The following NME8 variants were observed in gnomAD, a reference collection of about 807,000 sequenced individuals.
NME8 encodes protein NME8.
Under a neutral mutation model 82.3 loss-of-function variants are expected in NME8, and 72 were observed. That is an observed-to-expected ratio of 0.87 (90% CI 0.72 to 1.06). NME8 has a LOEUF of 1.06. NME8 is among the 50% of genes least tolerant of loss of function. The probability of loss-of-function intolerance (pLI) is 0.00; values close to 1 mark genes in which losing one functional copy is unlikely to be tolerated. For missense variants in NME8, 712 were observed against 685.4 expected (o/e 1.04, Z -0.43); for synonymous variants, 267 against 228.5 (o/e 1.17, Z -1.52).
chr7:37,865,465 T>C, intron 9 of NME8, 60 bp from the exon 10 acceptor site: 1 of 1,216,082 alleles, frequency 8.2e-7, no homozygotes, highest in Non-Finnish European at 1.2e-6. Context: ...AAAAACAAAC[T>C]TAACTTGTTT....
chr7:37,878,016 T>C (rs999602561), intron 12 of NME8, among the ~76,000 whole-genome samples: 16 of 152,324 alleles, frequency 1.1e-4, no homozygotes, highest in African/African-American at 3.8e-4. Context: ...TGTATGACGC[T>C]GAATTGGAGT....
At chr7:37,849,634 G>T (rs1784409105) in intron 2 of NME8, among the ~76,000 whole-genome samples, 1 of 152,144 alleles carries the variant, frequency 6.6e-6, no homozygotes, top group African/African-American at 2.4e-5. Context: ...ACTCTGGGAG[G>T]CTGAGGTGGG....
intron 10 of NME8, among the ~76,000 whole-genome samples, chr7:37,866,751 G>A (rs974062866): frequency 6.6e-6 from 1 of 152,158 alleles, no homozygotes; most frequent in Non-Finnish European, 1.5e-5. Context: ...ATTTTGCCAA[G>A]GTTAAGGACA....
chr7:37,882,597 A>AAGAG (rs772102601), intron 12 of NME8, among the ~76,000 whole-genome samples: 1,598 of 82,822 alleles, frequency 0.019, 22 homozygotes, highest in South Asian at 0.034. Flanking sequence ...GAAAGAAAGA[A>AAGAG]AGAGAGAGAG....
Position 37,863,393 on chromosome 7 carries a change from T to C in NME8, c.388-3T>C, listed in dbSNP as rs141307270. On this transcript the variant is annotated splice_polypyrimidine_tract_variant and splice_region_variant and intron_variant, in intron 7 of 17. Coordinates refer to ENST00000199447, the MANE Select transcript of NME8 (RefSeq NM_016616.5). ...ATCTTTGCATTGCATTTCTTTTTCA[T>C]AGTATCCTGAAATTCCATTAGTAGA... 3.6e-4 allele frequency: 564 copies of C among 1,557,942 alleles called. 3 individuals carry two copies. The African/African-American group carries it at 6.6e-3, about 18-fold the overall frequency.
Position 37,896,982 on chromosome 7 carries a change from C to T in NME8, c.1657C>T (p.Arg553Ter), listed in dbSNP as rs145721687. Residue 553 changes from arginine to a stop codon, truncating the protein, a stop_gained, in exon 17 of 18, where the codon CGA becomes TGA. Transcript: ENST00000199447. LOFTEE classifies it low-confidence loss of function (END_TRUNC). ...AAAATTACTTTCCCCTGACTCCATC[C>T]GAGCCCAGTTTGGAATAAGTAAATT... is the stretch of plus-strand genomic sequence containing the variant. ...EAKLLSPDSIRAQFGISKLKN... is the reference protein window; with the variant it reads ...EAKLLSPDSI 56 of 1,613,746 alleles carry T rather than the reference C, an allele frequency of 3.5e-5. No homozygotes were observed. The highest frequency in any genetic ancestry group is 8.9e-5 in the East Asian group (4 of 44,880).
At position 37,867,696 on chromosome 7, in the gene NME8, T is replaced by C; in HGVS notation, c.622-6T>C. ...GAAGGAAACAGTTTATCATTTTATTTTGTAGTGTGACTTCGAAGAGTTTGT... is the reference window on the plus strand; with the variant it reads ...GAAGGAAACAGTTTATCATTTTATTCTGTAGTGTGACTTCGAAGAGTTTGT... On this transcript the variant is annotated splice_polypyrimidine_tract_variant and splice_region_variant and intron_variant, in intron 10 of 17. Coordinates refer to ENST00000199447, the MANE Select transcript of NME8 (RefSeq NM_016616.5). 3 of 1,608,238 alleles carry C rather than the reference T, an allele frequency of 1.9e-6. No homozygotes were observed. Among genetic ancestry groups the C allele is most frequent in the Non-Finnish European group, 1.7e-6 (2 of 1,174,976 alleles).
chr7:37,874,683 T>C (rs1185379471), intron 11 of NME8, among the ~76,000 whole-genome samples: 1 of 152,128 alleles, frequency 6.6e-6, no homozygotes, highest in Non-Finnish European at 1.5e-5. Flanking sequence ...GTCAAGAATA[T>C]GGCTATTAGG....
At chr7:37,899,453 C>A (rs1785279999) in intron 17 of NME8, among the ~76,000 whole-genome samples, 1 of 151,964 alleles carries the variant, frequency 6.6e-6, no homozygotes, top group Non-Finnish European at 1.5e-5. Flanking sequence ...CGCATGTTCT[C>A]ACTTATAAGT....
At chr7:37,857,388 T>C (rs961190679) in intron 6 of NME8, 43 bp downstream of exon 6, 1 of 1,326,242 alleles carries the variant, frequency 7.5e-7, no homozygotes, top group Non-Finnish European at 1.1e-6. Flanking sequence ...AGATTCCAGT[T>C]TGCAGTTAAG....
chr7:37,893,729 A>T (rs1303071783), intron 15 of NME8, among the ~76,000 whole-genome samples: 1 of 152,120 alleles, frequency 6.6e-6, no homozygotes, highest in Non-Finnish European at 1.5e-5. Context: ...CTTTCTCATG[A>T]TATCTTTATA....
At chr7:37,872,061 G>A (rs373284640) in intron 11 of NME8, among the ~76,000 whole-genome samples, 7 of 152,030 alleles carry the variant, frequency 4.6e-5, no homozygotes, top group South Asian at 2.1e-4. Flanking sequence ...TTTCTCCACC[G>A]AGAGTTTGGG....
chr7:37,851,557 AAG>A (rs1459932067), intron 5 of NME8, among the ~76,000 whole-genome samples: 1 of 152,206 alleles, frequency 6.6e-6, no homozygotes, highest in Non-Finnish European at 1.5e-5. Flanking sequence ...AATATGGAAA[AAG>A]AAAGTGAAAT....
In NME8 at chr7:37,876,837, A is replaced by C. The variant is rs952358772; in HGVS notation, c.824A>C (p.Gln275Pro). The C allele has an allele frequency of 1.2e-6, 2 of 1,610,680 alleles. No individual in the cohort carries two copies. The highest frequency in any genetic ancestry group is 8.5e-7 in the Non-Finnish European group (1 of 1,177,456). ...TATATTTTGGATTTTGACAGTTTAC[A>C]AGAATATCTGGAAAGACAACATTTA... ...GMMKNKQDSLQEYLERQHLAQ... is the reference protein window; with the variant it reads ...GMMKNKQDSLPEYLERQHLAQ... The change falls in exon 12 of 18, where the codon CAA (glutamine) becomes CCA (proline). Residue 275 changes from glutamine (Q) to proline (P), a missense_variant. Gln to Pro is a moderately conservative substitution (Grantham distance 76). Coordinates refer to ENST00000199447, the MANE Select transcript of NME8 (RefSeq NM_016616.5).
Position 37,876,949 on chromosome 7 carries a change from C to G in NME8, c.936C>G (p.Ser312Arg). 1 of 1,613,016 alleles carries G rather than the reference C, an allele frequency of 6.2e-7. No homozygotes were observed. The highest frequency in any genetic ancestry group is 8.5e-7 in the Non-Finnish European group (1 of 1,179,330). The change falls in exon 12 of 18, where the codon AGC becomes AGG. Residue 312 changes from serine to arginine, a missense_variant. Physicochemically the swap from Ser to Arg is moderately radical, Grantham distance 110. Transcript: ENST00000199447. ...AFFPDFKKMK[S>R]MKLEKTLALL... ...TCCCCGATTTTAAAAAAATGAAAAG[C>G]ATGAAATTAGAAAAGACATTGGCAT...
In NME8 at chr7:37,850,393, C is replaced by A; in HGVS notation, c.49C>A (p.Gln17Lys). 6.2e-7 allele frequency: 1 copy of A among 1,614,124 alleles called. No homozygotes were observed. Among genetic ancestry groups the A allele is most frequent in the Non-Finnish European group, 8.5e-7 (1 of 1,180,002 alleles). ...EVQLQTVINN[Q>K]SLWDEMLQNK... Reference sequence around the variant, plus strand: ...CACTTTGCAGACAGTCATCAATAATCAAAGCCTGTGGGATGAGATGTTGCA... The same window carrying A: ...CACTTTGCAGACAGTCATCAATAATAAAAGCCTGTGGGATGAGATGTTGCA... The change falls in exon 4 of 18, where the codon CAA (glutamine) becomes AAA (lysine). Residue 17 changes from glutamine to lysine, a missense_variant. By Grantham distance (53) the Gln-to-Lys change is moderately conservative (BLOSUM62 1). Transcript: ENST00000199447.
intron 15 of NME8, among the ~76,000 whole-genome samples, chr7:37,891,836 CTG>C (rs1232026999): frequency 1.3e-5 from 2 of 152,028 alleles, no homozygotes; most frequent in African/African-American, 4.8e-5. Context: ...CTCTTCTTGA[CTG>C]AGTGCCTATT....
chr7:37,874,960 A>G (rs1195708499), intron 11 of NME8, among the ~76,000 whole-genome samples: 4 of 152,198 alleles, frequency 2.6e-5, no homozygotes, highest in Non-Finnish European at 4.4e-5. Context: ...AAAAACTGAC[A>G]TCATACACCT....
chr7:37,898,293 C>T (rs1785260659), intron 17 of NME8, among the ~76,000 whole-genome samples: 1 of 152,176 alleles, frequency 6.6e-6, no homozygotes, highest in Non-Finnish European at 1.5e-5. Flanking sequence ...AATGGTGCAT[C>T]TTCTGGATAA....
Sources: allele counts gnomAD v4.1 joint callset (sites outside exome capture counted in the v4.1 genomes callset), GRCh38; gene constraint gnomAD v4.1.1; transcripts MANE v1.5; gene names NCBI Gene and HGNC (gene_info 2026-07-23, HGNC 2026-07-21).